Variants in THSD7B observed in about 807,000 individuals in gnomAD.
THSD7B encodes the protein thrombospondin type 1 domain containing 7B.
THSD7B carries 138 observed loss-of-function variants against 213.6 expected under a neutral mutation model. That is an observed-to-expected ratio of 0.65 (90% CI 0.56 to 0.74). The LOEUF (loss-of-function observed/expected upper bound fraction) is 0.74. Ranked by LOEUF, THSD7B falls within the 30% of genes least tolerant of loss-of-function variation. The pLI, the probability that THSD7B is intolerant of heterozygous loss-of-function variation, is 0.00. For synonymous variants in THSD7B, 742 were observed against 687.0 expected (o/e 1.08, Z -1.25); for missense variants, 1,931 against 1,991.5 (o/e 0.97, Z 0.58).
In THSD7B at chr2:137,291,525, A is replaced by C. The variant is rs188551780; in HGVS notation, c.2500+15499A>C. 3.3e-5 allele frequency among the ~76,000 whole-genome samples: 5 copies of C among 152,300 alleles called. No individual in the cohort carries two copies. The East Asian group carries it at 9.6e-4, about 29-fold the overall frequency. ...AGCTTTGGCAAAAATACAATGAACA[A>C]AAATACATGTAATGAAAGTATGATT... is the stretch of plus-strand genomic sequence containing the variant. On this transcript the variant is annotated intron_variant, in intron 12 of 27. Coordinates refer to ENST00000409968, the MANE Select transcript of THSD7B (RefSeq NM_001316349.2).
intron 1 of THSD7B, among the ~76,000 whole-genome samples, chr2:136,799,984 A>C (rs1382121924): frequency 6.6e-6 from 1 of 152,030 alleles, no homozygotes; most frequent in African/African-American, 2.4e-5. Flanking sequence ...AAAGAAGAAA[A>C]CCTTAAAAAA....
chr2:137,205,752 A>G (rs1279399871), intron 7 of THSD7B, among the ~76,000 whole-genome samples: 2 of 152,040 alleles, frequency 1.3e-5, no homozygotes, highest in African/African-American at 2.4e-5. Context: ...TTGAATTTAA[A>G]TATTTGTTAC....
intron 17 of THSD7B, among the ~76,000 whole-genome samples, chr2:137,584,823 T>C: frequency 6.6e-6 from 1 of 152,220 alleles, no homozygotes; most frequent in East Asian, 1.9e-4. Context: ...TCTGTCAGGC[T>C]TTGGTATCAG....
rs76028672 is a variant in THSD7B, at chr2:137,161,567, T to G, written c.1525+1199T>G. 5.3e-5 allele frequency among the ~76,000 whole-genome samples: 8 copies of G among 152,300 alleles called. No homozygotes were observed. In the East Asian group the frequency reaches 1.4e-3, roughly 26 times the overall value. Reference sequence around the variant, plus strand: ...GCTTTTCCTTTCATTCTGACTCTTGTTCTAAGGTAGAAAGGAAGATGTGTA... The same window carrying G: ...GCTTTTCCTTTCATTCTGACTCTTGGTCTAAGGTAGAAAGGAAGATGTGTA... On this transcript the variant is annotated intron_variant, in intron 6 of 27. Coordinates refer to ENST00000409968, the MANE Select transcript of THSD7B (RefSeq NM_001316349.2).
chr2:137,590,585 C>G (rs1213742464), intron 17 of THSD7B, among the ~76,000 whole-genome samples: 1 of 151,912 alleles, frequency 6.6e-6, no homozygotes, highest in Non-Finnish European at 1.5e-5. Flanking sequence ...TATTAGACAT[C>G]TTTATTTTTC....
intron 5 of THSD7B, among the ~76,000 whole-genome samples, chr2:137,135,057 TGTAA>T (rs1679408476): frequency 6.6e-6 from 1 of 152,194 alleles, no homozygotes; most frequent in South Asian, 2.1e-4. Flanking sequence ...GCGAGTCTGT[TGTAA>T]GTATTACATA....
chr2:136,855,016 G>T (rs1286741602), intron 1 of THSD7B, among the ~76,000 whole-genome samples: 1 of 152,176 alleles, frequency 6.6e-6, no homozygotes, highest in Non-Finnish European at 1.5e-5. Context: ...GGTCTGCTGT[G>T]ATATGTAAGC....
At chr2:137,331,771 C>T (rs1202958390) in intron 12 of THSD7B, among the ~76,000 whole-genome samples, 2 of 152,208 alleles carry the variant, frequency 1.3e-5, no homozygotes, top group African/African-American at 2.4e-5. Context: ...GCAGCTAAGG[C>T]TCGGTGAGAA....
At chr2:137,121,070 T>C (rs1193599468) in intron 5 of THSD7B, among the ~76,000 whole-genome samples, 1 of 152,208 alleles carries the variant, frequency 6.6e-6, no homozygotes, top group Admixed American at 6.5e-5. Context: ...TAGTTAATTT[T>C]TAAAATCAAG....
At chr2:136,769,792 G>T (rs1167429301) in intron 1 of THSD7B, among the ~76,000 whole-genome samples, 1 of 152,172 alleles carries the variant, frequency 6.6e-6, no homozygotes, top group Non-Finnish European at 1.5e-5. Context: ...GTTAGACATT[G>T]ACCTAGATGT....
At chr2:137,020,877 A>G (rs781220078) in intron 2 of THSD7B, among the ~76,000 whole-genome samples, 2 of 152,196 alleles carry the variant, frequency 1.3e-5, no homozygotes, top group Non-Finnish European at 2.9e-5. Context: ...AAAAGCTGCA[A>G]TCTACAATAG....
chr2:137,293,977 C>A (rs1348326563), intron 12 of THSD7B, among the ~76,000 whole-genome samples: 1 of 152,066 alleles, frequency 6.6e-6, no homozygotes, highest in Non-Finnish European at 1.5e-5. Flanking sequence ...GCTCACTTGG[C>A]CCTAACCCTC....
At chr2:137,598,953 T>C (rs1216639441) in intron 17 of THSD7B, among the ~76,000 whole-genome samples, 1 of 150,976 alleles carries the variant, frequency 6.6e-6, no homozygotes, top group Non-Finnish European at 1.5e-5. Context: ...TACATATGTA[T>C]ACATGTGCCA....
intron 1 of THSD7B, among the ~76,000 whole-genome samples, chr2:136,844,741 T>C (rs947242237): frequency 1.3e-5 from 2 of 152,184 alleles, no homozygotes; most frequent in African/African-American, 4.8e-5. Flanking sequence ...GCTCTTTCAA[T>C]CTGTCTTAGC....
chr2:137,080,334 T>C (rs941128828), intron 3 of THSD7B, among the ~76,000 whole-genome samples: 2 of 149,364 alleles, frequency 1.3e-5, no homozygotes, highest in African/African-American at 4.9e-5. Context: ...CCCAAGCAGC[T>C]GCGATTATAG....
At chr2:136,899,554 G>C (rs1232251632) in intron 2 of THSD7B, among the ~76,000 whole-genome samples, 1 of 152,138 alleles carries the variant, frequency 6.6e-6, no homozygotes, top group African/African-American at 2.4e-5. Flanking sequence ...AATGGTGTGA[G>C]GTTTCATAAA....
At chr2:137,282,969 G>A (rs1263922828) in intron 12 of THSD7B, among the ~76,000 whole-genome samples, 1 of 151,934 alleles carries the variant, frequency 6.6e-6, no homozygotes, top group African/African-American at 2.4e-5. Flanking sequence ...GATGGGGATG[G>A]CATTGAATCT....
At chr2:137,265,519 G>A (rs1467205831) in intron 10 of THSD7B, among the ~76,000 whole-genome samples, 1 of 152,184 alleles carries the variant, frequency 6.6e-6, no homozygotes, top group Non-Finnish European at 1.5e-5. Flanking sequence ...GCACACGTAT[G>A]TTTATTGCGG....
chr2:137,541,773 A>T (rs1435291780), intron 15 of THSD7B, among the ~76,000 whole-genome samples: 6 of 151,768 alleles, frequency 4.0e-5, no homozygotes, highest in Admixed American at 3.9e-4. Flanking sequence ...GATAGAAATT[A>T]TAAGAATTAC....
Sources: allele counts gnomAD v4.1 joint callset (sites outside exome capture counted in the v4.1 genomes callset), GRCh38; gene constraint gnomAD v4.1.1; transcripts MANE v1.5; gene names NCBI Gene and HGNC (gene_info 2026-07-23, HGNC 2026-07-21).